Variants in PCP4 observed in about 807,000 individuals in gnomAD.
PCP4 encodes calmodulin regulator protein PCP4.
PCP4 carries 8 observed loss-of-function variants against 10.0 expected under a neutral mutation model. The observed-to-expected ratio is 0.80, with a 90% CI of 0.47 to 1.45. The LOEUF (loss-of-function observed/expected upper bound fraction) is 1.45, where lower values mean the gene tolerates loss of function less well. Among genes scored for constraint, PCP4 ranks in the 40% most tolerant of loss-of-function variants. The pLI, the probability that PCP4 is intolerant of heterozygous loss-of-function variation, is 0.00. For synonymous variants in PCP4, 21 were observed against 23.0 expected (o/e 0.91, Z 0.24); for missense variants, 54 against 74.4 (o/e 0.73, Z 1.01).
chr21:39,919,186 T>TC (rs1440442193), intron 2 of PCP4, among the ~76,000 whole-genome samples: 1 of 152,150 alleles, frequency 6.6e-6, no homozygotes, highest in African/African-American at 2.4e-5. Flanking sequence ...GGAACCCCAC[T>TC]CCCTCTCTTT....
intron 1 of PCP4, chr21:39,883,779 T>C (rs753760204): frequency 2.0e-5 from 3 of 152,214 alleles, no homozygotes; most frequent in Non-Finnish European, 4.4e-5. Flanking sequence ...GTGAGCTCAA[T>C]GCACTGTTTT....
intron 1 of PCP4, among the ~76,000 whole-genome samples, chr21:39,896,472 C>A (rs1440146064): frequency 6.6e-6 from 1 of 152,110 alleles, no homozygotes; most frequent in East Asian, 1.9e-4. Context: ...GAGGAGGCAT[C>A]AACATAAGGA....
chr21:39,894,017 A>G (rs1228824783), intron 1 of PCP4, among the ~76,000 whole-genome samples: 1 of 152,152 alleles, frequency 6.6e-6, no homozygotes, highest in Non-Finnish European at 1.5e-5. Flanking sequence ...CCGTGTCTGC[A>G]TGGGGACAAG....
Position 39,906,847 on chromosome 21 carries a change from C to T in PCP4, c.61+8320C>T, listed in dbSNP as rs1439563173. Among the ~76,000 whole-genome samples, 1 of 152,202 alleles carries T rather than the reference C, an allele frequency of 6.6e-6. No individual in the cohort carries two copies. The highest frequency in any genetic ancestry group is 2.4e-5 in the African/African-American group (1 of 41,462). ...GTGCATCCCTCTAGCCTTTGGAAAC[C>T]TGCCCCAAGCAGGAGATATTCCAGG... On this transcript the variant is annotated intron_variant, in intron 2 of 2. Transcript: ENST00000328619. The surrounding 1 kb of genome is among the most constrained non-coding windows in gnomAD (Gnocchi z 6.3).
At chr21:39,927,981 G>A (rs2087632999) in intron 2 of PCP4, among the ~76,000 whole-genome samples, 1 of 152,156 alleles carries the variant, frequency 6.6e-6, no homozygotes, top group South Asian at 2.1e-4. Flanking sequence ...AAAGAAAAAC[G>A]ATGCCTTTGA....
At chr21:39,923,300 T>C (rs1020926006) in intron 2 of PCP4, among the ~76,000 whole-genome samples, 2 of 152,186 alleles carry the variant, frequency 1.3e-5, no homozygotes, top group African/African-American at 4.8e-5. Context: ...TCAGGCAGCC[T>C]TGATGGGCAG....
intron 2 of PCP4, chr21:39,926,255 G>A: frequency 3.4e-6 from 1 of 291,474 alleles, no homozygotes; most frequent in South Asian, 3.2e-5. Flanking sequence ...AGTCACTTTT[G>A]GCTGAGATAT....
At position 39,871,149 on chromosome 21, in the gene PCP4, G is replaced by A. The variant is rs80143346; in HGVS notation, c.9+3639G>A. Among the ~76,000 whole-genome samples, 1,417 of 152,244 alleles carry A rather than the reference G, an allele frequency of 9.3e-3. 22 individuals carry two copies. Among genetic ancestry groups the A allele is most frequent in the African/African-American group, 0.031 (1,296 of 41,528 alleles). ...ACGGGAGGCTACATGCAGTTAACTCGTGAGGTGAGGACATAGAAAAAACAT... is the reference window on the plus strand; with the variant it reads ...ACGGGAGGCTACATGCAGTTAACTCATGAGGTGAGGACATAGAAAAAACAT... On this transcript the variant is annotated intron_variant, in intron 1 of 2. Transcript: ENST00000328619.
chr21:39,909,673 C>T (rs1038126849), intron 2 of PCP4, among the ~76,000 whole-genome samples: 3 of 152,154 alleles, frequency 2.0e-5, no homozygotes, highest in Admixed American at 1.3e-4. Context: ...GCGACGTGGC[C>T]TCCATCACAA....
intron 2 of PCP4, among the ~76,000 whole-genome samples, chr21:39,907,960 T>A (rs1174770419): frequency 1.3e-5 from 2 of 152,188 alleles, no homozygotes; most frequent in African/African-American, 2.4e-5. Context: ...TTGTTGCCAA[T>A]GTACTTCCCT....
chr21:39,911,499 T>C (rs1203312059), intron 2 of PCP4, among the ~76,000 whole-genome samples: 2 of 152,160 alleles, frequency 1.3e-5, no homozygotes, highest in African/African-American at 4.8e-5. Flanking sequence ...CTGGTGGCAA[T>C]TGGCATACAT....
chr21:39,890,689 A>C (rs1280148450), intron 1 of PCP4, among the ~76,000 whole-genome samples: 1 of 152,160 alleles, frequency 6.6e-6, no homozygotes, highest in Non-Finnish European at 1.5e-5. Context: ...TATTTTGTTC[A>C]TCATGACTTT....
At chr21:39,923,962 C>T (rs551622809) in intron 2 of PCP4, among the ~76,000 whole-genome samples, 37 of 152,204 alleles carry the variant, frequency 2.4e-4, no homozygotes, top group Non-Finnish European at 4.9e-4. Flanking sequence ...TGGGAAGTCT[C>T]TCTTTTGAAC....
At chr21:39,870,814 G>A (rs146243768) in intron 1 of PCP4, among the ~76,000 whole-genome samples, 1,587 of 152,272 alleles carry the variant, frequency 0.01, 22 homozygotes, top group African/African-American at 0.035. Flanking sequence ...AAGCCTCTTC[G>A]TAACCCCGAG....
At chr21:39,887,023 G>T (rs1375487549) in intron 1 of PCP4, among the ~76,000 whole-genome samples, 3 of 152,116 alleles carry the variant, frequency 2.0e-5, no homozygotes, top group East Asian at 3.9e-4. Flanking sequence ...GCACAAAGAA[G>T]AATTTTTTTA....
chr21:39,913,912 G>A (rs2087554306), intron 2 of PCP4, among the ~76,000 whole-genome samples: 1 of 151,824 alleles, frequency 6.6e-6, no homozygotes, highest in Non-Finnish European at 1.5e-5. Flanking sequence ...AGGGTGAAGA[G>A]CCAGGGCGGG....
intron 1 of PCP4, among the ~76,000 whole-genome samples, chr21:39,870,095 C>T (rs573907378): frequency 2.8e-4 from 42 of 152,366 alleles, no homozygotes; most frequent in Admixed American, 1.9e-3. Flanking sequence ...GCCTGCTCTG[C>T]ACTTCCAGGC....
chr21:39,889,352 G>A (rs2087416918), intron 1 of PCP4, among the ~76,000 whole-genome samples: 1 of 150,800 alleles, frequency 6.6e-6, no homozygotes, highest in Non-Finnish European at 1.5e-5. Flanking sequence ...GTCTTCAAAA[G>A]TGGTGAGCCC....
At chr21:39,921,016 T>C (rs2087594335) in intron 2 of PCP4, among the ~76,000 whole-genome samples, 2 of 152,192 alleles carry the variant, frequency 1.3e-5, no homozygotes, top group South Asian at 4.2e-4. Flanking sequence ...TGCATTTACC[T>C]TTCCATTTGT....
Sources: gnomAD v4.1 joint callset for allele counts (sites outside exome capture counted in the v4.1 genomes callset) on GRCh38, gnomAD v4.1.1 for gene constraint, Gnocchi (gnomAD v3.1) non-coding constraint, MANE v1.5 for transcripts, NCBI Gene and HGNC (gene_info 2026-07-23, HGNC 2026-07-21) for gene names.